The following NEGR1 variants were observed in gnomAD, a reference collection of about 807,000 sequenced individuals.
The protein encoded by NEGR1 is IgLON family member 4.
Under a neutral mutation model 40.9 loss-of-function variants are expected in NEGR1, and 10 were observed. That is an observed-to-expected ratio of 0.24 (90% CI 0.15 to 0.42). The LOEUF is 0.42. Among genes scored for constraint, NEGR1 ranks in the 10% least tolerant of loss-of-function variants. The pLI, the probability that NEGR1 is intolerant of heterozygous loss-of-function variation, is 1.00. For synonymous variants in NEGR1, 185 were observed against 166.8 expected (o/e 1.11, Z -0.84); for missense variants, 352 against 438.9 (o/e 0.80, Z 1.77).
rs1215435306 is a variant in NEGR1 at position 71,405,389 on chromosome 1, AGT to A, written c.*2055_*2056del. On this transcript the variant is annotated 3_prime_UTR_variant, in exon 7 of 7. Transcript: ENST00000357731. ...ATTTCTAGTAAGTAGATTATTATGG[AGT>A]GTGCCACTTTAAAGCTGCAATACAA... The A allele has an allele frequency of 1.3e-5, 2 of 152,286 alleles. No individual in the cohort carries two copies. The highest frequency in any genetic ancestry group is 4.8e-5 in the African/African-American group (2 of 41,428). 9.4% of individuals were successfully genotyped at this position (152,286 alleles called of 1,614,324 possible).
intron 1 of NEGR1, among the ~76,000 whole-genome samples, chr1:72,176,267 A>G (rs899156550): frequency 1.3e-5 from 2 of 152,222 alleles, no homozygotes; most frequent in East Asian, 1.9e-4. Flanking sequence ...CTGTGACTAT[A>G]TAACTTTTTG....
intron 1 of NEGR1, among the ~76,000 whole-genome samples, chr1:72,184,552 T>A (rs938341159): frequency 6.6e-6 from 1 of 151,904 alleles, no homozygotes; most frequent in Non-Finnish European, 1.5e-5. Flanking sequence ...GAGCAGAGGG[T>A]TAGTAAGCTT....
At chr1:71,431,150 A>C (rs1039533232) in intron 6 of NEGR1, among the ~76,000 whole-genome samples, 6 of 150,666 alleles carry the variant, frequency 4.0e-5, no homozygotes, top group African/African-American at 1.5e-4. Context: ...ATAAATATGT[A>C]TTCCCTGGCA....
intron 3 of NEGR1, among the ~76,000 whole-genome samples, chr1:71,716,377 C>A (rs191889905): frequency 1.3e-5 from 2 of 152,138 alleles, no homozygotes; most frequent in African/African-American, 2.4e-5. Context: ...ATGTAGAAAG[C>A]ATTGTGGAAA....
At chr1:71,532,729 G>C (rs932983696) in intron 6 of NEGR1, among the ~76,000 whole-genome samples, 1 of 151,486 alleles carries the variant, frequency 6.6e-6, no homozygotes, top group Non-Finnish European at 1.5e-5. Context: ...AGATAGACGA[G>C]GACAAGTAAC....
chr1:71,430,816 C>T (rs1432635216), intron 6 of NEGR1, among the ~76,000 whole-genome samples: 2 of 149,806 alleles, frequency 1.3e-5, no homozygotes, highest in Non-Finnish European at 3.0e-5. Context: ...ACGCCATTCT[C>T]CTGCCTCAGC....
intron 1 of NEGR1, among the ~76,000 whole-genome samples, chr1:72,267,426 T>A (rs1340660575): frequency 6.6e-6 from 1 of 151,186 alleles, no homozygotes; most frequent in Non-Finnish European, 1.5e-5. Flanking sequence ...TTTAGGGATT[T>A]CCCCATACTA....
chr1:72,241,625 C>T (rs72941285), intron 1 of NEGR1, among the ~76,000 whole-genome samples: 6,028 of 151,582 alleles, frequency 0.04, 424 homozygotes, highest in African/African-American at 0.14. Flanking sequence ...TTGCGAAAGA[C>T]CCTGAAACCA....
At chr1:71,749,835 C>CA (rs1655508043) in intron 3 of NEGR1, among the ~76,000 whole-genome samples, 1 of 151,956 alleles carries the variant, frequency 6.6e-6, no homozygotes, top group East Asian at 1.9e-4. Flanking sequence ...TGTAAAGTAC[C>CA]AAAAAATGCT....
At chr1:72,093,194 G>T (rs1427017451) in intron 1 of NEGR1, among the ~76,000 whole-genome samples, 1 of 151,926 alleles carries the variant, frequency 6.6e-6, no homozygotes, top group Non-Finnish European at 1.5e-5. Flanking sequence ...AGCTGAGCAT[G>T]GTGGTGCATG....
chr1:72,188,470 T>C (rs2100424382), intron 1 of NEGR1, among the ~76,000 whole-genome samples: 1 of 151,668 alleles, frequency 6.6e-6, no homozygotes, highest in Non-Finnish European at 1.5e-5. Context: ...TTATACATAT[T>C]CTTTTAGAGC....
rs2101717718 is a variant in NEGR1, at chr1:71,776,020, A to AATAC, written c.535+151_535+152insGTAT. ...AAATAAATAAATAAATAAATAAATA[A>AATAC]ATAAATAAATAAATAAATAAATGCA... On this transcript the variant is annotated intron_variant, in intron 3 of 6. Coordinates refer to ENST00000357731, the MANE Select transcript of NEGR1 (RefSeq NM_173808.3). 1.3e-5 allele frequency: 3 copies of AATAC among 231,482 alleles called. No individual in the cohort carries two copies. In the South Asian group the frequency reaches 5.3e-4, roughly 41 times the overall value. The allele number at this position is 231,482 out of a possible 1,614,324, so 14.3% of individuals were successfully genotyped here.
At chr1:71,537,226 G>C (rs1165545089) in intron 6 of NEGR1, among the ~76,000 whole-genome samples, 1 of 151,686 alleles carries the variant, frequency 6.6e-6, no homozygotes, top group East Asian at 2.0e-4. Context: ...GGGGCACAGA[G>C]AGATTAAATA....
At chr1:72,189,826 C>A (rs1316699284) in intron 1 of NEGR1, among the ~76,000 whole-genome samples, 1 of 151,546 alleles carries the variant, frequency 6.6e-6, no homozygotes, top group Non-Finnish European at 1.5e-5. Flanking sequence ...TTGTTATCTT[C>A]AAGTCATTTG....
intron 1 of NEGR1, among the ~76,000 whole-genome samples, chr1:72,078,754 C>A (rs1289896645): frequency 6.6e-6 from 1 of 150,916 alleles, no homozygotes; most frequent in African/African-American, 2.4e-5. Flanking sequence ...ATTCTCCTGC[C>A]TCAGCCTCCC....
intron 1 of NEGR1, among the ~76,000 whole-genome samples, chr1:72,099,981 C>T (rs561900869): frequency 1.3e-5 from 2 of 151,860 alleles, no homozygotes; most frequent in South Asian, 2.1e-4. Context: ...TGCATGACAA[C>T]TGAAATATAA....
intron 4 of NEGR1, among the ~76,000 whole-genome samples, chr1:71,615,672 T>C (rs1180993992): frequency 6.6e-6 from 1 of 152,194 alleles, no homozygotes; most frequent in African/African-American, 2.4e-5. Flanking sequence ...GGAGCCCAGA[T>C]TCTATAGGGT....
At chr1:71,458,443 TGCCC>T (rs1646690559) in intron 6 of NEGR1, among the ~76,000 whole-genome samples, 4 of 152,268 alleles carry the variant, frequency 2.6e-5, no homozygotes, top group Admixed American at 2.0e-4. Flanking sequence ...ACCTATGTAG[TGCCC>T]ACTATAGTTA....
At chr1:71,672,004 G>T (rs1300879079) in intron 4 of NEGR1, among the ~76,000 whole-genome samples, 1 of 150,972 alleles carries the variant, frequency 6.6e-6, no homozygotes, top group African/African-American at 2.4e-5. Context: ...AAAGTGGTAG[G>T]ATTACAGGTG....
Sources: allele counts gnomAD v4.1 joint callset (sites outside exome capture counted in the v4.1 genomes callset), GRCh38; gene constraint gnomAD v4.1.1; transcripts MANE v1.5; gene names NCBI Gene and HGNC (gene_info 2026-07-23, HGNC 2026-07-21).